The following CELF6 variants were observed in gnomAD, a reference collection of about 807,000 sequenced individuals.
CELF6 encodes Bruno -like 6, RNA binding protein.
A neutral mutation model predicts 53.1 loss-of-function variants in CELF6; 32 were observed. That is an observed-to-expected ratio of 0.60 (90% CI 0.46 to 0.81). The LOEUF (loss-of-function observed/expected upper bound fraction) is 0.81, where lower values mean the gene tolerates loss of function less well. Ranked by LOEUF, CELF6 falls within the 30% of genes least tolerant of loss-of-function variation. The pLI, the probability that CELF6 is intolerant of heterozygous loss-of-function variation, is 0.00. For synonymous variants in CELF6, 291 were observed against 288.8 expected (o/e 1.01, Z -0.08); for missense variants, 539 against 669.5 (o/e 0.81, Z 2.15).
At chr15:72,305,854 G>GTTTT (rs557602698) in intron 2 of CELF6, among the ~76,000 whole-genome samples, 1 of 128,656 alleles carries the variant, frequency 7.8e-6, no homozygotes. Context: ...GAGCTCATTT[G>GTTTT]TTTTTTTTTT....
chr15:72,287,140 GAGGTGGGTGCCTCCA>G, intron 12 of CELF6, 82 bp downstream of exon 12: 1 of 1,136,472 alleles, frequency 8.8e-7, no homozygotes, highest in South Asian at 1.5e-5. Flanking sequence ...GACTTTCTCA[GAGGTGGGTGCCTCCA>G]AGGTCCCAAA....
Position 72,288,391 on chromosome 15 carries a change from A to G in CELF6, c.1235T>C (p.Leu412Pro). The change falls in exon 11 of 13, where the codon CTC (leucine) becomes CCC (proline). Residue 412 changes from leucine to proline, a missense_variant. Around this residue, in one of 3 missense-constraint regions of CELF6, gnomAD observed 358 missense variants for 412.8 expected, o/e 0.87. Transcript: ENST00000287202. The surrounding 1 kb of genome is among the most constrained non-coding windows in gnomAD (Gnocchi z 4.6). ...TCCAAAGGGCAGGAATGTCTGTATG[A>G]GTTCCGCATCACCAAACTCCTGAGG... ...HLPQEFGDAE[L>P]IQTFLPFGAV... 1 of 1,614,126 alleles carries G rather than the reference A, an allele frequency of 6.2e-7. No individual in the cohort carries two copies. The highest frequency in any genetic ancestry group is 8.5e-7 in the Non-Finnish European group (1 of 1,180,004).
rs940798978 is a variant in CELF6 at position 72,319,502 on chromosome 15, T to G, written c.262+111A>C. 6.6e-6 allele frequency: 8 copies of G among 1,219,332 alleles called. No individual in the cohort carries two copies. In the Admixed American group the frequency reaches 8.3e-5, roughly 13 times the overall value. The allele number at this position is 1,219,332 out of a possible 1,614,324, so 75.5% of individuals were successfully genotyped here. The stretch of plus-strand genomic sequence containing the variant: ...GGGCTGGGCTGAGGTGGGGCTGATA[T>G]TGGACTGGTGTTGGACTGGCTCTCG... On this transcript the variant is annotated intron_variant, in intron 1 of 12. Coordinates refer to ENST00000287202, the MANE Select transcript of CELF6 (RefSeq NM_052840.5). This position sits in a 1 kb window ranked among gnomAD's most constrained non-coding sequence, Gnocchi z 5.0.
chr15:72,290,251 G>T lies in CELF6; in HGVS notation c.399C>A (p.Asp133Glu), dbSNP rs1201129077. ...KPAASEGRGE[D>E]RKLFVGMLGK... ...CCAGCATCCCCACAAACAGCTTTCGGTCCTCTGGGGACAAAGCCAGGAATG... is the reference window on the plus strand; with the variant it reads ...CCAGCATCCCCACAAACAGCTTTCGTTCCTCTGGGGACAAAGCCAGGAATG... Residue 133 changes from aspartate (D) to glutamate (E), a missense_variant, in exon 4 of 13, where the codon GAC becomes GAA. Physicochemically the swap from Asp to Glu is conservative, Grantham distance 45 (BLOSUM62 2). Around this residue, in one of 3 missense-constraint regions of CELF6, gnomAD observed 97 missense variants for 168.8 expected, o/e 0.57. Transcript: ENST00000287202. 6.2e-7 allele frequency: 1 copy of T among 1,612,830 alleles called. No homozygotes were observed. Among genetic ancestry groups the T allele is most frequent in the Non-Finnish European group, 8.5e-7 (1 of 1,179,630 alleles).
Position 72,288,670 on chromosome 15 carries a change from C to T in CELF6, c.1094-52G>A, listed in dbSNP as rs189630860. On this transcript the variant is annotated intron_variant, in intron 9 of 12. Coordinates refer to ENST00000287202, the MANE Select transcript of CELF6 (RefSeq NM_052840.5). This position sits in a 1 kb window ranked among gnomAD's most constrained non-coding sequence, Gnocchi z 4.6. Reference sequence around the variant, plus strand: ...TGATCCCCAGGAGCCCTTCCCCAAGCAGGGCCCCAACTGCCTGGCCGCTTT... The same window carrying T: ...TGATCCCCAGGAGCCCTTCCCCAAGTAGGGCCCCAACTGCCTGGCCGCTTT... The T allele has an allele frequency of 3.3e-6, 5 of 1,519,382 alleles. No individual in the cohort carries two copies. Among genetic ancestry groups the T allele is most frequent in the Middle Eastern group, 3.5e-4 (2 of 5,640 alleles). 94.1% of individuals were successfully genotyped at this position (1,519,382 alleles called of 1,614,324 possible). A position where few individuals can be genotyped will look rare whatever the true frequency, so the allele number is the denominator to read the frequency against.
rs1045299560 is a variant in CELF6 at position 72,288,235 on chromosome 15, G to GCAAT, written c.1318+69_1318+72dup. Reference sequence around the variant, plus strand: ...CAGGAAATCACTGCATTATGGAAGGGCAATCGTAGGGTCTGTAGGAAATCC... The same window carrying GCAAT: ...CAGGAAATCACTGCATTATGGAAGGGCAATCAATCGTAGGGTCTGTAGGAAATCC... On this transcript the variant is annotated intron_variant, in intron 11 of 12. Transcript: ENST00000287202. The surrounding 1 kb of genome is among the most constrained non-coding windows in gnomAD (Gnocchi z 4.6). The GCAAT allele has an allele frequency of 1.0e-5, 15 of 1,468,268 alleles. No homozygotes were observed. The African/African-American group carries it at 1.5e-4, about 15-fold the overall frequency. The allele number at this position is 1,468,268 out of a possible 1,614,324, so 91.0% of individuals were successfully genotyped here.
At chr15:72,316,644 A>G (rs762757120) in intron 1 of CELF6, among the ~76,000 whole-genome samples, 27 of 152,204 alleles carry the variant, frequency 1.8e-4, no homozygotes, top group Admixed American at 4.6e-4. Context: ...TATATGGGTC[A>G]GCGAAGAGGT....
In CELF6 at chr15:72,319,484, G is replaced by T; in HGVS notation, c.262+129C>A. On this transcript the variant is annotated intron_variant, in intron 1 of 12. Transcript: ENST00000287202. The surrounding 1 kb of genome is among the most constrained non-coding windows in gnomAD (Gnocchi z 5.0). Reference sequence around the variant, plus strand: ...TTCTGTGATCTGGGAAGGGGGCTGGGCTGAGGTGGGGCTGATATTGGACTG... The same window carrying T: ...TTCTGTGATCTGGGAAGGGGGCTGGTCTGAGGTGGGGCTGATATTGGACTG... 9.9e-7 allele frequency: 1 copy of T among 1,011,674 alleles called. No homozygotes were observed. Among genetic ancestry groups the T allele is most frequent in the Non-Finnish European group, 1.4e-6 (1 of 713,022 alleles). The allele number at this position is 1,011,674 out of a possible 1,614,324, so 62.7% of individuals were successfully genotyped here.
intron 1 of CELF6, among the ~76,000 whole-genome samples, chr15:72,317,438 G>A (rs1252217250): frequency 6.6e-6 from 1 of 152,192 alleles, no homozygotes; most frequent in East Asian, 1.9e-4. Context: ...GACATTCATT[G>A]AGTTAAAGGG....
chr15:72,292,195 G>A, intron 3 of CELF6: 1 of 1,533,986 alleles, frequency 6.5e-7, no homozygotes, highest in African/African-American at 1.4e-5. Flanking sequence ...TGAAATTACT[G>A]ACCTAGAAGA....
At chr15:72,310,574 G>A (rs930895297) in intron 2 of CELF6, among the ~76,000 whole-genome samples, 15 of 138,914 alleles carry the variant, frequency 1.1e-4, no homozygotes, top group African/African-American at 3.2e-4. Flanking sequence ...AGACAGCGTC[G>A]ACCTCCAGGG....
In CELF6 at chr15:72,319,952, G is replaced by C; in HGVS notation, c.-78C>G. The C allele has an allele frequency of 2.2e-6, 3 of 1,375,650 alleles. No homozygotes were observed. The highest frequency in any genetic ancestry group is 2.8e-6 in the Non-Finnish European group (3 of 1,071,418). 85.2% of individuals were successfully genotyped at this position (1,375,650 alleles called of 1,614,324 possible). A position where few individuals can be genotyped will look rare whatever the true frequency, so the allele number is the denominator to read the frequency against. On this transcript the variant is annotated 5_prime_UTR_variant, in exon 1 of 13. Transcript: ENST00000287202. The surrounding 1 kb of genome is among the most constrained non-coding windows in gnomAD (Gnocchi z 5.0). ...CGTCCCCTCCCTGGACCGGTGGCGA[G>C]GGCCAGGGGGAGGGGGCGGAGCCCG...
intron 3 of CELF6, among the ~76,000 whole-genome samples, chr15:72,302,034 C>CAAAAAGTTG (rs1401294050): frequency 1.3e-5 from 2 of 152,096 alleles, no homozygotes; most frequent in South Asian, 2.1e-4. Context: ...TGCTCCCAGC[C>CAAAAAGTTG]AAAAAGTTGA....
intron 2 of CELF6, chr15:72,306,071 C>G (rs1376525345): frequency 2.0e-6 from 2 of 984,718 alleles, no homozygotes; most frequent in Admixed American, 6.2e-5. Context: ...TAGGTGATTT[C>G]AATATATCGC....
intron 1 of CELF6, 80 bp from the exon 2 acceptor site, chr15:72,316,007 A>G (rs1407352493): frequency 1.1e-6 from 1 of 923,882 alleles, no homozygotes; most frequent in Non-Finnish European, 1.7e-6. Context: ...TAAGTTGACA[A>G]ACTTAAGGCC....
At chr15:72,304,486 G>A (rs1478892108) in intron 3 of CELF6, among the ~76,000 whole-genome samples, 2 of 152,134 alleles carry the variant, frequency 1.3e-5, no homozygotes, top group African/African-American at 4.8e-5. Context: ...AAGGGTAAGT[G>A]GCAAGAACCC....
intron 2 of CELF6, among the ~76,000 whole-genome samples, chr15:72,314,366 C>T (rs554776693): frequency 6.6e-6 from 1 of 152,224 alleles, no homozygotes; most frequent in African/African-American, 2.4e-5. Flanking sequence ...GTAGTTACCC[C>T]AACCCCAACA....
At chr15:72,292,704 G>A (rs867799695) in intron 3 of CELF6, among the ~76,000 whole-genome samples, 3 of 152,310 alleles carry the variant, frequency 2.0e-5, no homozygotes, top group Middle Eastern at 6.8e-3. Flanking sequence ...GAAATTTTCC[G>A]ATCCTCTTTT....
intron 3 of CELF6, among the ~76,000 whole-genome samples, chr15:72,302,925 G>A (rs1337087315): frequency 3.9e-5 from 6 of 152,156 alleles, no homozygotes; most frequent in African/African-American, 1.4e-4. Context: ...AATTCCCCTG[G>A]ACTTCCCCTT....
Sources: gnomAD v4.1 joint callset for allele counts (sites outside exome capture counted in the v4.1 genomes callset) on GRCh38, gnomAD v4.1.1 for gene constraint, gnomAD v4.1.1 regional missense constraint, Gnocchi (gnomAD v3.1) non-coding constraint, MANE v1.5 for transcripts, NCBI Gene and HGNC (gene_info 2026-07-23, HGNC 2026-07-21) for gene names.